Variants in APAF1 observed in about 807,000 individuals in gnomAD.
APAF1 encodes apoptotic protease-activating factor 1.
APAF1 carries 91 observed loss-of-function variants against 152.4 expected under a neutral mutation model. The ratio of observed to expected loss-of-function variants is 0.60; its 90% CI spans 0.50 to 0.71. The LOEUF is 0.71. Among genes scored for constraint, APAF1 ranks in the 30% least tolerant of loss-of-function variants. The pLI, the probability that APAF1 is intolerant of heterozygous loss-of-function variation, is 0.00. For synonymous variants in APAF1, 484 were observed against 494.1 expected (o/e 0.98, Z 0.27); for missense variants, 1,283 against 1,472.0 (o/e 0.87, Z 2.10).
intron 4 of APAF1, among the ~76,000 whole-genome samples, chr12:98,653,924 G>A (rs2097653101): frequency 6.6e-6 from 1 of 151,364 alleles, no homozygotes; most frequent in African/African-American, 2.4e-5. Flanking sequence ...GTTCCTATTT[G>A]TTTCTGTCCT....
At position 98,699,509 on chromosome 12, in the gene APAF1, G is replaced by A; in HGVS notation, c.2406G>A (p.Lys802=). ...DPQEDMEVIV[K]CCSWSADGAR... ...AAGAGGATATGGAAGTGATAGTGAA[G>A]TGTTGTTCGTGGTCTGCTGATGGTG... Residue 802 remains lysine (K), a synonymous_variant, in exon 17 of 27, where the codon AAG becomes AAA. Transcript: ENST00000551964. 1 of 1,614,202 alleles carries A rather than the reference G, an allele frequency of 6.2e-7. No individual in the cohort carries two copies. The highest frequency in any genetic ancestry group is 1.1e-5 in the South Asian group (1 of 91,086).
chr12:98,683,883 C>T (rs1302957937), intron 15 of APAF1, among the ~76,000 whole-genome samples: 1 of 152,192 alleles, frequency 6.6e-6, no homozygotes. Context: ...AGAAAAGGTG[C>T]TGGTAGGAAA....
At chr12:98,660,521 G>A (rs946540393) in intron 5 of APAF1, among the ~76,000 whole-genome samples, 3 of 152,178 alleles carry the variant, frequency 2.0e-5, no homozygotes, top group Non-Finnish European at 4.4e-5. Flanking sequence ...TTATGTGCCA[G>A]GCACTGTTAT....
chr12:98,667,668 C>A (rs959412921), intron 10 of APAF1, 24 bp downstream of exon 10: 3 of 1,603,534 alleles, frequency 1.9e-6, no homozygotes, highest in African/African-American at 2.7e-5. Context: ...TTTAAAAATT[C>A]TTTTATCTGA....
intron 12 of APAF1, among the ~76,000 whole-genome samples, chr12:98,675,525 T>C (rs1170949660): frequency 3.3e-5 from 5 of 152,212 alleles, no homozygotes; most frequent in East Asian, 1.9e-4. Context: ...AAGAAGTAGA[T>C]GGTTATGTTT....
chr12:98,720,810 C>CA (rs548262541), intron 22 of APAF1, among the ~76,000 whole-genome samples: 283 of 151,866 alleles, frequency 1.9e-3, no homozygotes, highest in Non-Finnish European at 3.4e-3. Flanking sequence ...CTAAAAAATA[C>CA]AAAAAAATTA....
intron 9 of APAF1, 124 bp downstream of exon 9, chr12:98,666,481 A>G: frequency 1.1e-6 from 1 of 913,828 alleles, no homozygotes; most frequent in Non-Finnish European, 1.7e-6. Context: ...TTCCCCTAAT[A>G]TTAACATTTT....
chr12:98,715,704 T>C, intron 22 of APAF1, 152 bp downstream of exon 22: 1 of 836,692 alleles, frequency 1.2e-6, no homozygotes. Flanking sequence ...CCTATGGGTG[T>C]TTCATATTTT....
At position 98,735,317 on chromosome 12, in the gene APAF1, G is replaced by A; in HGVS notation, c.*2751G>A. Reference sequence around the variant, plus strand: ...ACATTATATGTCTCTTGTATGTTTTGAAACTCTTGTATTTATGATATAGCT... The same window carrying A: ...ACATTATATGTCTCTTGTATGTTTTAAAACTCTTGTATTTATGATATAGCT... On this transcript the variant is annotated 3_prime_UTR_variant, in exon 27 of 27. Coordinates refer to ENST00000551964, the MANE Select transcript of APAF1 (RefSeq NM_181861.2). 2.5e-6 allele frequency: 1 copy of A among 403,244 alleles called. No homozygotes were observed. Among genetic ancestry groups the A allele is most frequent in the Admixed American group, 4.3e-5 (1 of 23,240 alleles). 25.0% of individuals were successfully genotyped at this position (403,244 alleles called of 1,614,324 possible). A position where few individuals can be genotyped will look rare whatever the true frequency, so the allele number is the denominator to read the frequency against.
At chr12:98,689,641 T>C (rs962090117) in intron 16 of APAF1, among the ~76,000 whole-genome samples, 2 of 152,234 alleles carry the variant, frequency 1.3e-5, no homozygotes, top group African/African-American at 2.4e-5. Context: ...GTTTAATTTT[T>C]GTAGAGATGG....
chr12:98,716,084 T>C (rs1355554115), intron 22 of APAF1, among the ~76,000 whole-genome samples: 2 of 152,226 alleles, frequency 1.3e-5, no homozygotes, highest in Admixed American at 1.3e-4. Context: ...CAAATAGTAT[T>C]ACAAGACTTA....
chr12:98,663,140 G>A (rs2097667709), intron 7 of APAF1, among the ~76,000 whole-genome samples: 1 of 152,150 alleles, frequency 6.6e-6, no homozygotes, highest in Non-Finnish European at 1.5e-5. Context: ...TATAAAAATA[G>A]TGTTCTAATT....
At chr12:98,667,460 T>C in intron 9 of APAF1, 53 bp from the exon 10 acceptor site, 2 of 1,600,584 alleles carry the variant, frequency 1.2e-6, no homozygotes, top group Non-Finnish European at 1.7e-6. Flanking sequence ...GTTACTGTGA[T>C]GCTTAGGTTA....
chr12:98,660,210 G>A (rs1193447546), intron 5 of APAF1, among the ~76,000 whole-genome samples: 1 of 152,076 alleles, frequency 6.6e-6, no homozygotes, highest in Non-Finnish European at 1.5e-5. Context: ...ATCTGGTGTG[G>A]TGGTACACAC....
intron 5 of APAF1, among the ~76,000 whole-genome samples, chr12:98,659,752 G>GAAAAA (rs34536171): frequency 4.8e-4 from 43 of 89,532 alleles, no homozygotes; most frequent in Middle Eastern, 7.0e-3. Flanking sequence ...AACTCCATCA[G>GAAAAA]AAAAAAAAAA....
Position 98,723,754 on chromosome 12 carries a change from A to G in APAF1, c.3320A>G (p.Lys1107Arg). Residue 1107 changes from lysine (K) to arginine (R), a missense_variant, in exon 24 of 27, where the codon AAG becomes AGG. Transcript: ENST00000551964. ...AAGTTTTCATCTACCTCTGCTGACA[A>G]GACTGCAAAGGTAGGTCAATCAATT... ...ATKFSSTSADKTAKIWSFDLL... is the reference protein window; with the variant it reads ...ATKFSSTSADRTAKIWSFDLL... 6.2e-7 allele frequency: 1 copy of G among 1,613,902 alleles called. No individual in the cohort carries two copies.
chr12:98,667,582 G>A lies in APAF1; in HGVS notation c.1432G>A (p.Glu478Lys), dbSNP rs775397727. The A allele has an allele frequency of 1.7e-5, 27 of 1,613,926 alleles. No homozygotes were observed. Among genetic ancestry groups the A allele is most frequent in the African/African-American group, 2.7e-5 (2 of 74,908 alleles). The change falls in exon 10 of 27, where the codon GAA (glutamate) becomes AAA (lysine). Residue 478 changes from glutamate to lysine, a missense_variant. Glu to Lys is a moderately conservative substitution (Grantham distance 56). Coordinates refer to ENST00000551964, the MANE Select transcript of APAF1 (RefSeq NM_181861.2). ...HQPHTLSPDQ[E>K]DCMYWYNFLA... ...GCCGCATACTCTTTCACCAGATCAG[G>A]AAGACTGTATGTATTGGTACAACTT...
chr12:98,724,776 A>AT (rs2097748032), intron 24 of APAF1, among the ~76,000 whole-genome samples: 1 of 152,164 alleles, frequency 6.6e-6, no homozygotes, highest in Non-Finnish European at 1.5e-5. Flanking sequence ...AAGGATAGTG[A>AT]CTGTAGCTAG....
At chr12:98,698,109 G>A (rs1459054531) in intron 16 of APAF1, among the ~76,000 whole-genome samples, 1 of 152,190 alleles carries the variant, frequency 6.6e-6, no homozygotes, top group Non-Finnish European at 1.5e-5. Flanking sequence ...AGAAACAGAT[G>A]CAATTTAGAC....
Sources: gnomAD v4.1 joint callset for allele counts (sites outside exome capture counted in the v4.1 genomes callset) on GRCh38, gnomAD v4.1.1 for gene constraint, MANE v1.5 for transcripts, NCBI Gene and HGNC (gene_info 2026-07-23, HGNC 2026-07-21) for gene names.